The following SRGAP3 variants were observed in gnomAD, a reference collection of about 807,000 sequenced individuals.
SRGAP3 encodes the protein SLIT-ROBO Rho GTPase activating protein 3, also known as SLIT-ROBO Rho GTPase-activating protein 3.
A neutral mutation model predicts 121.1 loss-of-function variants in SRGAP3; 39 were observed. That is an observed-to-expected ratio of 0.32 (90% confidence interval 0.25 to 0.42). The LOEUF (loss-of-function observed/expected upper bound fraction) is 0.42, where lower values mean the gene tolerates loss of function less well. Ranked by LOEUF, SRGAP3 falls within the 10% of genes least tolerant of loss-of-function variation. SRGAP3 has a pLI of 1.00. For synonymous variants in SRGAP3, 601 were observed against 570.0 expected (o/e 1.05, Z -0.77); for missense variants, 1,213 against 1,470.6 (o/e 0.82, Z 2.86).
intron 1 of SRGAP3, among the ~76,000 whole-genome samples, chr3:9,213,875 AC>A (rs1952528920): frequency 6.6e-6 from 1 of 151,816 alleles, no homozygotes; most frequent in African/African-American, 2.4e-5. Flanking sequence ...CACCCCAGGG[AC>A]TTTGCACTTG....
At chr3:9,299,372 A>G (rs567773378) in intron 3 of SRGAP3, among the ~76,000 whole-genome samples, 28 of 151,418 alleles carry the variant, frequency 1.8e-4, no homozygotes, top group South Asian at 1.7e-3. Context: ...AAAAAAAAAA[A>G]AAAAGAAAAG....
At chr3:9,282,010 C>G (rs970881788) in intron 3 of SRGAP3, among the ~76,000 whole-genome samples, 1 of 152,182 alleles carries the variant, frequency 6.6e-6, no homozygotes, top group African/African-American at 2.4e-5. Context: ...GACTTCTGCA[C>G]AATACAGAAG....
At chr3:9,215,468 G>C (rs1952585544) in intron 1 of SRGAP3, among the ~76,000 whole-genome samples, 1 of 152,186 alleles carries the variant, frequency 6.6e-6, no homozygotes, top group South Asian at 2.1e-4. Flanking sequence ...TGTGACCCAA[G>C]CTCCTCTCTG....
intron 1 of SRGAP3, among the ~76,000 whole-genome samples, chr3:9,208,719 AG>A (rs1952346415): frequency 6.6e-6 from 1 of 152,142 alleles, no homozygotes; most frequent in African/African-American, 2.4e-5. Flanking sequence ...GGGAGGATGG[AG>A]GGAGTCCTAG....
intron 1 of SRGAP3, among the ~76,000 whole-genome samples, chr3:9,159,448 T>G (rs1950532495): frequency 6.6e-6 from 1 of 152,218 alleles, no homozygotes; most frequent in Non-Finnish European, 1.5e-5. Flanking sequence ...GATCTATTTG[T>G]CTTTCACTTA....
intron 3 of SRGAP3, among the ~76,000 whole-genome samples, chr3:9,255,202 A>G (rs560399935): frequency 2.2e-4 from 33 of 152,374 alleles, no homozygotes; most frequent in South Asian, 8.3e-4. Context: ...CCACAAATCT[A>G]TGAGAATAAT....
At chr3:9,323,454 G>A (rs1575004118) in intron 3 of SRGAP3, among the ~76,000 whole-genome samples, 1 of 151,792 alleles carries the variant, frequency 6.6e-6, no homozygotes, top group African/African-American at 2.4e-5. Context: ...GATTCTCAAA[G>A]ACTGGCAGGG....
chr3:9,349,770 T>C (rs1053034959), intron 1 of SRGAP3: 1 of 152,314 alleles, frequency 6.6e-6, no homozygotes, highest in Non-Finnish European at 1.5e-5. Context: ...GGATTTCTCG[T>C]GGCAGTTGAA....
chr3:9,155,571 T>C (rs1001140366), intron 1 of SRGAP3, among the ~76,000 whole-genome samples: 1 of 152,154 alleles, frequency 6.6e-6, no homozygotes, highest in African/African-American at 2.4e-5. Flanking sequence ...TAACTAATCT[T>C]TCATAATTTT....
At chr3:9,186,809 T>C (rs1238298195) in intron 1 of SRGAP3, among the ~76,000 whole-genome samples, 3 of 152,208 alleles carry the variant, frequency 2.0e-5, no homozygotes, top group Non-Finnish European at 4.4e-5. Context: ...TAAGCTGCTC[T>C]TGAATAAACA....
chr3:9,053,119 C>A lies in SRGAP3; in HGVS notation c.1231G>T (p.Val411Phe). Residue 411 changes from valine to phenylalanine, a missense_variant, in exon 9 of 22, where the codon GTC becomes TTC. By Grantham distance (50) the Val-to-Phe change is conservative. Transcript: ENST00000383836. Reference sequence around the variant, plus strand: ...TAGGTCTCAGAGGCAGCCGACTTGACGGACTCTGTCGATCGACTGTGTTGG... The same window carrying A: ...TAGGTCTCAGAGGCAGCCGACTTGAAGGACTCTGTCGATCGACTGTGTTGG... ...AFQHSRSTESVKSAASETYMS... is the reference protein window; with the variant it reads ...AFQHSRSTESFKSAASETYMS... 1 of 1,614,182 alleles carries A rather than the reference C, an allele frequency of 6.2e-7. No individual in the cohort carries two copies. The highest frequency in any genetic ancestry group is 8.5e-7 in the Non-Finnish European group (1 of 1,180,038).
chr3:9,129,787 A>C (rs1331578752), intron 1 of SRGAP3, among the ~76,000 whole-genome samples: 1 of 151,140 alleles, frequency 6.6e-6, no homozygotes, highest in East Asian at 1.9e-4. Flanking sequence ...TTTGAGACAG[A>C]GTCTTGCTCT....
intron 3 of SRGAP3, among the ~76,000 whole-genome samples, chr3:9,260,030 C>G (rs1954220273): frequency 6.6e-6 from 1 of 151,830 alleles, no homozygotes; most frequent in Non-Finnish European, 1.5e-5. Flanking sequence ...CGTCGCCTTA[C>G]CTGGGAAGCA....
At chr3:9,080,645 C>T (rs1398172308) in intron 3 of SRGAP3, among the ~76,000 whole-genome samples, 2 of 152,182 alleles carry the variant, frequency 1.3e-5, no homozygotes, top group East Asian at 1.9e-4. Context: ...AGAACCAGGC[C>T]ACACAGCAGG....
At chr3:9,116,678 C>G (rs452241) in intron 2 of SRGAP3, among the ~76,000 whole-genome samples, 53,994 of 151,978 alleles carry the variant, frequency 0.36, 10,817 homozygotes, top group African/African-American at 0.54. Flanking sequence ...GGTCGACATG[C>G]ATGGGTAATT....
chr3:9,198,372 C>T (rs1329334908), intron 1 of SRGAP3, among the ~76,000 whole-genome samples: 1 of 152,198 alleles, frequency 6.6e-6, no homozygotes, highest in Non-Finnish European at 1.5e-5. Flanking sequence ...AGAGGCTGTT[C>T]AATTCCCACA....
chr3:9,142,203 T>A (rs1949877336), intron 1 of SRGAP3, among the ~76,000 whole-genome samples: 1 of 152,204 alleles, frequency 6.6e-6, no homozygotes, highest in Non-Finnish European at 1.5e-5. Flanking sequence ...TACATACATA[T>A]GAAAGAGCTC....
intron 1 of SRGAP3, among the ~76,000 whole-genome samples, chr3:9,142,912 A>C (rs1949908151): frequency 7.6e-6 from 1 of 130,910 alleles, no homozygotes; most frequent in African/African-American, 3.0e-5. Context: ...ATCTCGGCTC[A>C]CTGCAGCCTT....
At chr3:9,084,543 C>G (rs2664087) in intron 3 of SRGAP3, among the ~76,000 whole-genome samples, 46,189 of 152,052 alleles carry the variant, frequency 0.3, 7,542 homozygotes, top group South Asian at 0.37. Context: ...GACTGAAGAC[C>G]CACAGCCTGC....
Sources: gnomAD v4.1 joint callset for allele counts (sites outside exome capture counted in the v4.1 genomes callset) on GRCh38, gnomAD v4.1.1 for gene constraint, MANE v1.5 for transcripts, NCBI Gene and HGNC (gene_info 2026-07-23, HGNC 2026-07-21) for gene names.